Variants in WDPCP observed in about 807,000 individuals in gnomAD.
WDPCP encodes WD repeat containing planar cell polarity effector, also known as WD repeat-containing and planar cell polarity effector protein fritz homolog.
In WDPCP, 71 loss-of-function variants were observed where a neutral mutation model predicts 93.1. The ratio of observed to expected loss-of-function variants is 0.76; its 90% confidence interval spans 0.63 to 0.93. WDPCP has a LOEUF of 0.93. WDPCP is among the 40% of genes least tolerant of loss of function. WDPCP has a pLI of 0.00. For missense variants in WDPCP, 844 were observed against 887.4 expected, an observed-to-expected ratio of 0.95 and a Z score of 0.62; for synonymous variants, 315 against 315.0, an observed-to-expected ratio of 1.00 and a Z score of 0.00.
intron 13 of WDPCP, among the ~76,000 whole-genome samples, chr2:63,282,545 A>G (rs1683650390): frequency 6.6e-6 from 1 of 152,180 alleles, no homozygotes; most frequent in South Asian, 2.1e-4. Context: ...AGATCGATGG[A>G]ACAGAATAGA....
chr2:63,308,624 T>G (rs958524671), intron 13 of WDPCP, among the ~76,000 whole-genome samples: 2 of 152,116 alleles, frequency 1.3e-5, no homozygotes, highest in Admixed American at 1.3e-4. Flanking sequence ...ACCATCATTC[T>G]CAGCAAGCTA....
At chr2:63,323,916 G>C (rs1462761983) in intron 12 of WDPCP, among the ~76,000 whole-genome samples, 1 of 152,066 alleles carries the variant, frequency 6.6e-6, no homozygotes, top group Non-Finnish European at 1.5e-5. Flanking sequence ...GTTTGTGGGT[G>C]GGGGAGAAAC....
intron 3 of WDPCP, among the ~76,000 whole-genome samples, chr2:63,487,156 C>T (rs1406825336): frequency 2.0e-5 from 3 of 151,938 alleles, no homozygotes; most frequent in East Asian, 1.9e-4. Flanking sequence ...ATTAACAATG[C>T]CCTCTACTGG....
chr2:63,555,626 A>G (rs1706054377), intron 1 of WDPCP, among the ~76,000 whole-genome samples: 1 of 152,092 alleles, frequency 6.6e-6, no homozygotes, highest in African/African-American at 2.4e-5. Context: ...TGGGATGGAA[A>G]TCCCAGAGGA....
At chr2:63,380,329 A>T (rs774725379) in intron 11 of WDPCP, among the ~76,000 whole-genome samples, 6 of 152,068 alleles carry the variant, frequency 3.9e-5, no homozygotes, top group Non-Finnish European at 8.8e-5. Flanking sequence ...ATATTATAGT[A>T]GTACCTTGTA....
At chr2:63,437,719 AT>A in intron 7 of WDPCP, 165 bp from the exon 8 acceptor site, 2 of 1,034,068 alleles carry the variant, frequency 1.9e-6, no homozygotes, top group Non-Finnish European at 2.7e-6. Flanking sequence ...GATATTAGGA[AT>A]AAACAATAAT....
At chr2:63,186,870 C>T (rs1328689805) in intron 14 of WDPCP, among the ~76,000 whole-genome samples, 2 of 150,090 alleles carry the variant, frequency 1.3e-5, no homozygotes, top group Non-Finnish European at 3.0e-5. Context: ...TCTGATCTGC[C>T]GCCTTGGGGG....
chr2:63,322,002 T>C (rs1323643355), intron 12 of WDPCP, among the ~76,000 whole-genome samples: 1 of 152,206 alleles, frequency 6.6e-6, no homozygotes, highest in Non-Finnish European at 1.5e-5. Context: ...ACTGAAGCTA[T>C]TACTGAGAGG....
At chr2:63,452,197 C>T (rs1214098512) in intron 6 of WDPCP, among the ~76,000 whole-genome samples, 13 of 152,150 alleles carry the variant, frequency 8.5e-5, no homozygotes, top group South Asian at 2.1e-4. Flanking sequence ...AAAACCCCAT[C>T]GTCTCAGCCT....
intron 14 of WDPCP, among the ~76,000 whole-genome samples, chr2:63,238,102 C>T (rs1016233169): frequency 2.6e-5 from 4 of 151,332 alleles, no homozygotes; most frequent in African/African-American, 4.8e-5. Flanking sequence ...TGAACCTTTT[C>T]ATGATTATAG....
intron 1 of WDPCP, among the ~76,000 whole-genome samples, chr2:63,566,022 A>G (rs909203750): frequency 3.3e-5 from 5 of 152,238 alleles, no homozygotes; most frequent in African/African-American, 1.2e-4. Context: ...TCTATGCTAC[A>G]GACAGATCCT....
chr2:63,621,566 G>A (rs13417375), intron 3 of WDPCP, among the ~76,000 whole-genome samples: 9 of 152,194 alleles, frequency 5.9e-5, no homozygotes, highest in African/African-American at 1.9e-4. Flanking sequence ...ACCTGAAAGT[G>A]ATGGAGAGGA....
intron 2 of WDPCP, among the ~76,000 whole-genome samples, chr2:63,743,640 A>G (rs1669756007): frequency 6.6e-6 from 1 of 152,118 alleles, no homozygotes; most frequent in South Asian, 2.1e-4. Context: ...GCATTAAGAG[A>G]TGGCATTCTA....
chr2:63,454,360 G>T (rs1242189352), intron 6 of WDPCP, among the ~76,000 whole-genome samples: 2 of 151,628 alleles, frequency 1.3e-5, no homozygotes, highest in Non-Finnish European at 2.9e-5. Flanking sequence ...TTTGGGGGTG[G>T]GGGACTGAGG....
intron 14 of WDPCP, among the ~76,000 whole-genome samples, chr2:63,202,229 A>G (rs145637273): frequency 1.3e-5 from 2 of 152,058 alleles, no homozygotes; most frequent in East Asian, 3.9e-4. Flanking sequence ...GAATTATTCA[A>G]TAGTTATTAA....
At chr2:63,495,654 A>G (rs1209905531) in intron 1 of WDPCP, among the ~76,000 whole-genome samples, 1 of 152,210 alleles carries the variant, frequency 6.6e-6, no homozygotes, top group Admixed American at 6.5e-5. Flanking sequence ...TCTATTTCTA[A>G]GAGTCCCCAG....
intron 2 of WDPCP, among the ~76,000 whole-genome samples, chr2:63,720,612 T>A (rs937499414): frequency 6.6e-6 from 1 of 152,132 alleles, no homozygotes; most frequent in Non-Finnish European, 1.5e-5. Context: ...AATAACATTA[T>A]TAAGTCTAAT....
At chr2:63,182,654 T>G (rs1442813948) in intron 14 of WDPCP, among the ~76,000 whole-genome samples, 1 of 151,994 alleles carries the variant, frequency 6.6e-6, no homozygotes, top group Non-Finnish European at 1.5e-5. Context: ...ATACTGGCTC[T>G]GTAGAATGAG....
In WDPCP at chr2:63,527,849, G is replaced by A. The variant is rs369869775; in HGVS notation, c.76-34909C>T. ...ACATTCCCACCAACAGTGTAAAAGC[G>A]TTCTTATTTCTCCACAGCCTCTCCA... On this transcript the variant is annotated intron_variant, in intron 1 of 17. Coordinates refer to ENST00000272321, the MANE Select transcript of WDPCP (RefSeq NM_015910.7). Among the ~76,000 whole-genome samples, 26 of 151,732 alleles carry A rather than the reference G, an allele frequency of 1.7e-4. No individual in the cohort carries two copies. The East Asian group carries it at 3.1e-3, about 18-fold the overall frequency.
Sources: gnomAD v4.1 joint callset for allele counts (sites outside exome capture counted in the v4.1 genomes callset) on GRCh38, gnomAD v4.1.1 for gene constraint, MANE v1.5 for transcripts, NCBI Gene and HGNC (gene_info 2026-07-23, HGNC 2026-07-21) for gene names.